NTM: variants seen among roughly 807,000 people sequenced by gnomAD.
NTM encodes the protein IgLON family member 2.
In NTM, 13 loss-of-function variants were observed where a neutral mutation model predicts 42.1. The ratio of observed to expected loss-of-function variants is 0.31; its 90% CI spans 0.20 to 0.49. The LOEUF (loss-of-function observed/expected upper bound fraction) is 0.49. Ranked by LOEUF, NTM falls within the 20% of genes least tolerant of loss-of-function variation. The pLI, the probability that NTM is intolerant of heterozygous loss-of-function variation, is 0.99. For missense variants in NTM, 373 were observed against 452.8 expected, an observed-to-expected ratio of 0.82 and a Z score of 1.60; for synonymous variants, 187 against 179.2, an observed-to-expected ratio of 1.04 and a Z score of -0.35.
intron 1 of NTM, among the ~76,000 whole-genome samples, chr11:131,784,128 CT>C (rs1265491140): frequency 1.3e-5 from 2 of 152,000 alleles, no homozygotes; most frequent in Non-Finnish European, 2.9e-5. Context: ...ACTTAAAAGA[CT>C]GAAAAAGAAA....
chr11:131,469,068 T>C (rs1952168471), intron 1 of NTM, among the ~76,000 whole-genome samples: 1 of 152,242 alleles, frequency 6.6e-6, no homozygotes, highest in African/African-American at 2.4e-5. Context: ...TTTCATCTTA[T>C]CCTGGCAGAG....
chr11:132,265,563 G>A (rs535780043), intron 4 of NTM, among the ~76,000 whole-genome samples: 39 of 152,230 alleles, frequency 2.6e-4, no homozygotes, highest in Admixed American at 2.4e-3. Context: ...TGATGTTAAT[G>A]TAATCTAAGG....
chr11:132,205,309 A>G (rs1462218403), intron 3 of NTM, among the ~76,000 whole-genome samples: 1 of 152,190 alleles, frequency 6.6e-6, no homozygotes, highest in Non-Finnish European at 1.5e-5. Flanking sequence ...CCTGATTTGG[A>G]TTTAATAGGA....
chr11:131,813,467 G>A (rs910878225), intron 1 of NTM, among the ~76,000 whole-genome samples: 5 of 152,110 alleles, frequency 3.3e-5, no homozygotes, highest in African/African-American at 1.2e-4. Context: ...TCCTGTAAAG[G>A]ACGGATGAAG....
At chr11:131,602,918 C>G in intron 1 of NTM, among the ~76,000 whole-genome samples, 1 of 152,188 alleles carries the variant, frequency 6.6e-6, no homozygotes, top group East Asian at 1.9e-4. Context: ...TCAATTCTAC[C>G]TGCAAAATAT....
intron 4 of NTM, among the ~76,000 whole-genome samples, chr11:132,291,834 C>T (rs772806057): frequency 5.3e-5 from 8 of 152,114 alleles, no homozygotes; most frequent in Non-Finnish European, 1.0e-4. Context: ...TGAATTTGGA[C>T]ACATGGAAGT....
At chr11:131,587,973 A>C (rs1206006288) in intron 1 of NTM, among the ~76,000 whole-genome samples, 1 of 152,218 alleles carries the variant, frequency 6.6e-6, no homozygotes, top group Non-Finnish European at 1.5e-5. Flanking sequence ...AGGTCACAGA[A>C]AGACAACTAG....
At chr11:131,513,148 G>T (rs536743931) in intron 1 of NTM, among the ~76,000 whole-genome samples, 5 of 152,226 alleles carry the variant, frequency 3.3e-5, no homozygotes, top group Admixed American at 1.3e-4. Flanking sequence ...GTGTGAACGC[G>T]TAAGCTGTGG....
At chr11:131,976,789 C>G (rs1203709180) in intron 2 of NTM, among the ~76,000 whole-genome samples, 1 of 152,170 alleles carries the variant, frequency 6.6e-6, no homozygotes, top group African/African-American at 2.4e-5. Context: ...TAGTATTTTG[C>G]TTTGAAAAGC....
intron 1 of NTM, among the ~76,000 whole-genome samples, chr11:131,717,329 A>G (rs541330033): frequency 6.6e-6 from 1 of 152,344 alleles, no homozygotes; most frequent in South Asian, 2.1e-4. Flanking sequence ...GGAGAAAATG[A>G]CATTTTAACA....
chr11:131,486,183 G>A (rs1954154724), intron 1 of NTM, among the ~76,000 whole-genome samples: 2 of 152,166 alleles, frequency 1.3e-5, no homozygotes, highest in Non-Finnish European at 2.9e-5. Flanking sequence ...ATTACTGTGG[G>A]TGTTCAGAAA....
chr11:131,377,656 T>G (rs1173876980), intron 1 of NTM, among the ~76,000 whole-genome samples: 1 of 152,248 alleles, frequency 6.6e-6, no homozygotes, highest in Non-Finnish European at 1.5e-5. Flanking sequence ...TTTCTTCTGA[T>G]GGAATACAGT....
At chr11:131,853,247 T>A (rs1375424643) in intron 1 of NTM, among the ~76,000 whole-genome samples, 1 of 152,172 alleles carries the variant, frequency 6.6e-6, no homozygotes, top group East Asian at 1.9e-4. Context: ...AATTTCCAAC[T>A]TTTAAGTTCA....
chr11:131,940,963 C>T (rs1368174728), intron 2 of NTM, among the ~76,000 whole-genome samples: 2 of 152,014 alleles, frequency 1.3e-5, no homozygotes, highest in Non-Finnish European at 1.5e-5. Flanking sequence ...CAAAGTAAAC[C>T]CCTGCATGAA....
chr11:131,534,743 G>A (rs1348138020), intron 1 of NTM: 11 of 152,198 alleles, frequency 7.2e-5, no homozygotes, highest in African/African-American at 2.4e-4. Context: ...TTACTGAAAA[G>A]TCACTTGCTG....
chr11:132,045,666 C>T (rs1271979915), intron 2 of NTM, among the ~76,000 whole-genome samples: 2 of 152,160 alleles, frequency 1.3e-5, no homozygotes, highest in Admixed American at 6.5e-5. Flanking sequence ...ACAGCTAGAT[C>T]AGAGACAGGG....
At chr11:132,109,431 C>A (rs1412957572) in intron 2 of NTM, among the ~76,000 whole-genome samples, 2 of 152,204 alleles carry the variant, frequency 1.3e-5, no homozygotes, top group African/African-American at 4.8e-5. Flanking sequence ...CAACCAGACC[C>A]TGAATCTGCC....
In NTM at chr11:131,453,550, AT is replaced by A. The variant is rs60256733; in HGVS notation, c.82+82663del. Reference sequence around the variant, plus strand: ...ACGGAAAGACTTTCATTAAAAAAAAATAACAAAGAAAACACAAGCAAACAAA... The same window carrying A: ...ACGGAAAGACTTTCATTAAAAAAAAAAACAAAGAAAACACAAGCAAACAAA... On this transcript the variant is annotated intron_variant, in intron 1 of 8. Coordinates refer to ENST00000683400, the MANE Select transcript of NTM (RefSeq NM_001352005.2). Among the ~76,000 whole-genome samples, 1,192 of 151,992 alleles carry A rather than the reference AT, an allele frequency of 7.8e-3. 19 individuals are homozygous for A. The highest frequency in any genetic ancestry group is 0.027 in the African/African-American group (1,115 of 41,406).
At position 132,314,710 on chromosome 11, in the gene NTM, CTG is replaced by C. The variant is rs781008409; in HGVS notation, c.934+10_934+11del. On this transcript the variant is annotated splice_region_variant and intron_variant, in intron 7 of 8. Coordinates refer to ENST00000683400, the MANE Select transcript of NTM (RefSeq NM_001352005.2). ...GCCAGCATCATGCTATTTGGTGAGACTGTGCTCTGAGCTGGGCAAGAAGAGGG... is the reference window on the plus strand; with the variant it reads ...GCCAGCATCATGCTATTTGGTGAGACTGCTCTGAGCTGGGCAAGAAGAGGG... 51 of 1,609,822 alleles carry C rather than the reference CTG, an allele frequency of 3.2e-5. No individual in the cohort carries two copies. Among genetic ancestry groups the C allele is most frequent in the South Asian group, 3.3e-5 (3 of 90,002 alleles).
Sources: gnomAD v4.1 joint callset for allele counts (sites outside exome capture counted in the v4.1 genomes callset) on GRCh38, gnomAD v4.1.1 for gene constraint, MANE v1.5 for transcripts, NCBI Gene and HGNC (gene_info 2026-07-23, HGNC 2026-07-21) for gene names.